Variants in MUC12 observed in about 807,000 individuals in gnomAD.
MUC12 encodes mucin-12.
A neutral mutation model predicts 230.8 loss-of-function variants in MUC12; 172 were observed. The ratio of observed to expected loss-of-function variants is 0.75; its 90% CI spans 0.66 to 0.85. MUC12 has a LOEUF of 0.85. Ranked by LOEUF, MUC12 falls within the 40% of genes least tolerant of loss-of-function variation. MUC12 has a pLI of 0.00. For synonymous variants in MUC12, 1,259 were observed against 2,401.9 expected (o/e 0.52, Z 13.91); for missense variants, 3,506 against 5,920.6 (o/e 0.59, Z 13.38).
At chr7:100,971,516 G>A (rs1792896660) in intron 1 of MUC12, among the ~76,000 whole-genome samples, 1 of 152,308 alleles carries the variant, frequency 6.6e-6, no homozygotes, top group Non-Finnish European at 1.5e-5. Context: ...CAGGCCCTCC[G>A]AGGCTGCCTC....
At chr7:100,990,134 C>G (rs1459861938) in intron 1 of MUC12, among the ~76,000 whole-genome samples, 1 of 152,256 alleles carries the variant, frequency 6.6e-6, no homozygotes, top group Non-Finnish European at 1.5e-5. Context: ...CAGACCAGAA[C>G]TGGTCCGTGG....
chr7:100,993,046 G>T lies in MUC12; in HGVS notation c.2483G>T (p.Ser828Ile). 1.3e-6 allele frequency: 2 copies of T among 1,535,610 alleles called. No homozygotes were observed. Among genetic ancestry groups the T allele is most frequent in the Non-Finnish European group, 1.7e-6 (2 of 1,146,664 alleles). The change falls in exon 2 of 12, where the codon AGT becomes ATT. Residue 828 changes from serine (S) to isoleucine (I), a missense_variant. By Grantham distance (142) the Ser-to-Ile change is moderately radical. Coordinates refer to ENST00000536621, the MANE Select transcript of MUC12 (RefSeq NM_001164462.2). The stretch of plus-strand genomic sequence containing the variant: ...AGTGAGAGATCTACCACTTTCCATA[G>T]TAGCCCCAGATCACCAGCCACAACA... ...GLSERSTTFH[S>I]SPRSPATTLS...
chr7:100,976,857 C>G (rs1196229367), intron 1 of MUC12, among the ~76,000 whole-genome samples: 3 of 151,734 alleles, frequency 2.0e-5, no homozygotes, highest in Non-Finnish European at 4.4e-5. Flanking sequence ...TCGAGACCAG[C>G]CTGGCCAACA....
intron 1 of MUC12, among the ~76,000 whole-genome samples, chr7:100,985,444 A>G (rs1304207636): frequency 1.3e-5 from 2 of 152,222 alleles, no homozygotes; most frequent in Non-Finnish European, 2.9e-5. Context: ...CTCCTAAACC[A>G]TCATTTCTAA....
chr7:100,986,417 C>A (rs376470411), intron 1 of MUC12, among the ~76,000 whole-genome samples: 166 of 134,938 alleles, frequency 1.2e-3, no homozygotes, highest in Admixed American at 2.1e-3. Context: ...GACCCTGTCT[C>A]AAAAAAAAAA....
At chr7:100,986,190 T>A (rs910919816) in intron 1 of MUC12, among the ~76,000 whole-genome samples, 43 of 151,808 alleles carry the variant, frequency 2.8e-4, no homozygotes, top group African/African-American at 1.0e-3. Context: ...CAAGATCCCA[T>A]CTCTAAAAAA....
At chr7:100,990,387 C>A (rs1248375634) in intron 1 of MUC12, among the ~76,000 whole-genome samples, 8 of 152,230 alleles carry the variant, frequency 5.3e-5, no homozygotes, top group Non-Finnish European at 1.0e-4. Context: ...GGGAAATTGT[C>A]TTAGATGAAA....
In MUC12 at chr7:101,004,669, T is replaced by G; in HGVS notation, c.14106T>G (p.Phe4702Leu). 6.5e-7 allele frequency: 1 copy of G among 1,537,216 alleles called. No homozygotes were observed. The highest frequency in any genetic ancestry group is 8.7e-7 in the Non-Finnish European group (1 of 1,146,574). The change falls in exon 2 of 12, where the codon TTT becomes TTG. Residue 4702 changes from phenylalanine (F) to leucine (L), a missense_variant. Transcript: ENST00000536621. ...TNGITPLPAH[F>L]TTSGRIAEST... The stretch of plus-strand genomic sequence containing the variant: ...GAATCACACCCTTACCTGCCCATTT[T>G]ACTACCTCAGGCCGCATTGCAGAAT...
chr7:101,011,005 G>T (rs1268335066), intron 5 of MUC12, among the ~76,000 whole-genome samples: 2 of 152,170 alleles, frequency 1.3e-5, no homozygotes, highest in African/African-American at 4.8e-5. Context: ...GATGTCACTG[G>T]AAGTCCTGGG....
rs1263370328 is a variant in MUC12 at position 100,991,499 on chromosome 7, T to A, written c.936T>A (p.Thr312=). The A allele has an allele frequency of 6.5e-7, 1 of 1,536,936 alleles. No individual in the cohort carries two copies. The highest frequency in any genetic ancestry group is 8.7e-7 in the Non-Finnish European group (1 of 1,146,662). Reference sequence around the variant, plus strand: ...CTTATCACAGCAGCCCGAGCTCAACTCCAACAACCCACTTTTCTGCCAGCT... The same window carrying A: ...CTTATCACAGCAGCCCGAGCTCAACACCAACAACCCACTTTTCTGCCAGCT... ...STTYHSSPSS[T]PTTHFSASST... Residue 312 remains threonine (T), a synonymous_variant, in exon 2 of 12, where the codon ACT becomes ACA. Transcript: ENST00000536621.
rs545897612 is a variant in MUC12 at position 100,988,061 on chromosome 7, A to T, written c.68-2570A>T. Among the ~76,000 whole-genome samples the T allele has an allele frequency of 3.9e-4, 59 of 151,786 alleles. 1 individual carries two copies. The highest frequency in any genetic ancestry group is 1.2e-3 in the African/African-American group (50 of 41,434). Reference sequence around the variant, plus strand: ...ACGCCTGTAATCCCAGCACTCTGAGAGGCCAAGGCAGGCAGATCATTTGAG... The same window carrying T: ...ACGCCTGTAATCCCAGCACTCTGAGTGGCCAAGGCAGGCAGATCATTTGAG... On this transcript the variant is annotated intron_variant, in intron 1 of 11. Transcript: ENST00000536621.
In MUC12 at chr7:100,993,889, G is replaced by T. The variant is rs541523555; in HGVS notation, c.3326G>T (p.Arg1109Ile). ...EASTTFYSSP[R>I]SPTTTLSPAS... Reference sequence around the variant, plus strand: ...TCTACCACCTTCTACAGCAGCCCCAGATCACCAACCACAACACTCTCACCT... The same window carrying T: ...TCTACCACCTTCTACAGCAGCCCCATATCACCAACCACAACACTCTCACCT... The change falls in exon 2 of 12, where the codon AGA becomes ATA. Residue 1109 changes from arginine (R) to isoleucine (I), a missense_variant. Coordinates refer to ENST00000536621, the MANE Select transcript of MUC12 (RefSeq NM_001164462.2). 17 of 1,491,438 alleles carry T rather than the reference G, an allele frequency of 1.1e-5. No homozygotes were observed. In the African/African-American group the frequency reaches 1.8e-4, roughly 16 times the overall value. 92.4% of individuals were successfully genotyped at this position (1,491,438 alleles called of 1,614,324 possible).
At chr7:100,971,869 T>C (rs1792906939) in intron 1 of MUC12, among the ~76,000 whole-genome samples, 1 of 152,310 alleles carries the variant, frequency 6.6e-6, no homozygotes, top group Admixed American at 6.5e-5. Context: ...CAGGTGGCAT[T>C]GCCTCTGTGT....
Position 100,995,472 on chromosome 7 carries a change from A to C in MUC12, c.4909A>C (p.Ser1637Arg), listed in dbSNP as rs1793451776. 1.3e-6 allele frequency: 2 copies of C among 1,532,752 alleles called. No homozygotes were observed. The highest frequency in any genetic ancestry group is 2.4e-5 in the South Asian group (2 of 83,882). 94.9% of individuals were successfully genotyped at this position (1,532,752 alleles called of 1,614,324 possible). A position where few individuals can be genotyped will look rare whatever the true frequency, so the allele number is the denominator to read the frequency against. The change falls in exon 2 of 12, where the codon AGC becomes CGC. Residue 1637 changes from serine (S) to arginine (R), a missense_variant. Ser to Arg is a moderately radical substitution (Grantham distance 110, BLOSUM62 -1). Coordinates refer to ENST00000536621, the MANE Select transcript of MUC12 (RefSeq NM_001164462.2). ...SLGPESTTFHSSPGSTETTLL... is the reference protein window; with the variant it reads ...SLGPESTTFHRSPGSTETTLL... ...TGGTCCAGAATCTACTACTTTCCAC[A>C]GCAGCCCAGGCTCCACTGAAACAAC... is the stretch of plus-strand genomic sequence containing the variant.
Position 101,018,593 on chromosome 7 carries a change from A to G in MUC12, c.15967-2A>G. 6 of 1,532,790 alleles carry G rather than the reference A, an allele frequency of 3.9e-6. No individual in the cohort carries two copies. The highest frequency in any genetic ancestry group is 4.4e-6 in the Non-Finnish European group (5 of 1,145,124). The allele number at this position is 1,532,790 out of a possible 1,614,324, so 94.9% of individuals were successfully genotyped here. On this transcript the variant is annotated splice_acceptor_variant, in intron 11 of 11. Transcript: ENST00000536621. LOFTEE classifies it high-confidence loss of function. Reference sequence around the variant, plus strand: ...CCTCACCTCTTCTCTCCCGTCCCCCAGCTCCACATCCAGAGGCCGGAGATG... The same window carrying G: ...CCTCACCTCTTCTCTCCCGTCCCCCGGCTCCACATCCAGAGGCCGGAGATG...
chr7:101,014,711 TG>T (rs1473182259), intron 9 of MUC12, among the ~76,000 whole-genome samples: 1 of 152,024 alleles, frequency 6.6e-6, no homozygotes, highest in East Asian at 1.9e-4. Flanking sequence ...CTCCTGACCT[TG>T]AGTGATCCAC....
In MUC12 at chr7:100,992,281, T is replaced by A. The variant is rs1224898506; in HGVS notation, c.1718T>A (p.Leu573His). The A allele has an allele frequency of 6.5e-7, 1 of 1,536,714 alleles. No homozygotes were observed. The highest frequency in any genetic ancestry group is 8.7e-7 in the Non-Finnish European group (1 of 1,146,250). The stretch of plus-strand genomic sequence containing the variant: ...CCTGGCAGTACCACAGCATCATCCC[T>A]TGGTCCAGAATATACTACCTTCCAC... ...LSPGSTTASSLGPEYTTFHSR... is the reference protein window; with the variant it reads ...LSPGSTTASSHGPEYTTFHSR... The change falls in exon 2 of 12, where the codon CTT (leucine) becomes CAT (histidine). Residue 573 changes from leucine (L) to histidine (H), a missense_variant. Transcript: ENST00000536621.
rs1378941861 is a variant in MUC12 at position 100,995,701 on chromosome 7, C to T, written c.5138C>T (p.Ser1713Phe). The T allele has an allele frequency of 8.5e-6, 13 of 1,537,152 alleles. No individual in the cohort carries two copies. Among genetic ancestry groups the T allele is most frequent in the Non-Finnish European group, 1.1e-5 (13 of 1,147,036 alleles). ...PTTTSAFVEL[S>F]TTSHGSPSST... ...ACCACATCAGCCTTTGTTGAGCTAT[C>T]TACAACCTCCCACGGCAGCCCGAGC... Residue 1713 changes from serine to phenylalanine, a missense_variant, in exon 2 of 12, where the codon TCT (serine) becomes TTT (phenylalanine). Physicochemically the swap from Ser to Phe is radical, Grantham distance 155. Transcript: ENST00000536621.
chr7:100,972,716 G>C, intron 1 of MUC12: 1 of 614,632 alleles, frequency 1.6e-6, no homozygotes, highest in Non-Finnish European at 2.9e-6. Flanking sequence ...ATGTTGGCCA[G>C]GCTGGTCTTG....
Sources: gnomAD v4.1 joint callset for allele counts (sites outside exome capture counted in the v4.1 genomes callset) on GRCh38, gnomAD v4.1.1 for gene constraint, MANE v1.5 for transcripts, NCBI Gene and HGNC (gene_info 2026-07-23, HGNC 2026-07-21) for gene names.